Variants in RGS7 observed in about 807,000 individuals in gnomAD.
The protein encoded by RGS7 is regulator of G protein signaling 7.
A neutral mutation model predicts 81.1 loss-of-function variants in RGS7; 27 were observed. The ratio of observed to expected loss-of-function variants is 0.33; its 90% CI spans 0.25 to 0.46. The LOEUF (loss-of-function observed/expected upper bound fraction) is 0.46, where lower values mean the gene tolerates loss of function less well. RGS7 is among the 20% of genes least tolerant of loss of function. RGS7 has a pLI of 1.00. For synonymous variants in RGS7, 208 were observed against 207.7 expected (o/e 1.00, Z -0.01); for missense variants, 396 against 607.4 (o/e 0.65, Z 3.66).
chr1:240,982,912 T>A (rs994426664), intron 4 of RGS7, among the ~76,000 whole-genome samples, 167 bp downstream of exon 4: 4 of 152,198 alleles, frequency 2.6e-5, no homozygotes, highest in African/African-American at 9.6e-5. Context: ...CAGTGAAATA[T>A]GTTTTGACTA....
At chr1:240,820,894 C>T (rs187409973) in intron 10 of RGS7, among the ~76,000 whole-genome samples, 3 of 152,082 alleles carry the variant, frequency 2.0e-5, no homozygotes, top group African/African-American at 7.2e-5. Flanking sequence ...GTACAAGAAG[C>T]CTTTCTGTGT....
intron 2 of RGS7, among the ~76,000 whole-genome samples, chr1:241,116,941 G>A (rs1476841892): frequency 6.6e-6 from 1 of 152,128 alleles, no homozygotes; most frequent in Non-Finnish European, 1.5e-5. Context: ...TATAGATAAT[G>A]CAATCATGTT....
intron 2 of RGS7, among the ~76,000 whole-genome samples, chr1:241,167,199 C>T (rs752869575): frequency 5.3e-5 from 8 of 152,172 alleles, no homozygotes; most frequent in African/African-American, 1.7e-4. Context: ...GTTAGATCTT[C>T]GGGCTTGCCT....
chr1:241,079,143 T>C (rs1375832091), intron 3 of RGS7, among the ~76,000 whole-genome samples: 1 of 152,186 alleles, frequency 6.6e-6, no homozygotes, highest in Non-Finnish European at 1.5e-5. Context: ...TAGTGTTCCC[T>C]GCTGAGATAA....
chr1:240,936,685 G>A lies in RGS7; in HGVS notation c.248C>T (p.Thr83Ile). Reference sequence around the variant, plus strand: ...GAAGTAGCCGTGGGCAGCCATTAATGTTCCCAAATGGAGCGCCTCCACTGT... The same window carrying A: ...GAAGTAGCCGTGGGCAGCCATTAATATTCCCAAATGGAGCGCCTCCACTGT... Reference protein sequence around the residue: ...EDPVEALHLGTLMAAHGYFFP... With the variant: ...EDPVEALHLGILMAAHGYFFP... Residue 83 changes from threonine to isoleucine, a missense_variant, in exon 5 of 19, where the codon ACA becomes ATA. Transcript: ENST00000440928. 6.2e-7 allele frequency: 1 copy of A among 1,613,848 alleles called. No homozygotes were observed. The highest frequency in any genetic ancestry group is 8.5e-7 in the Non-Finnish European group (1 of 1,179,742).
At chr1:241,341,774 C>T (rs540039545) in intron 2 of RGS7, among the ~76,000 whole-genome samples, 1 of 151,832 alleles carries the variant, frequency 6.6e-6, no homozygotes, top group East Asian at 1.9e-4. Flanking sequence ...GAACGTGAGC[C>T]TTGAAGAGGT....
intron 9 of RGS7, among the ~76,000 whole-genome samples, chr1:240,834,021 A>G (rs913074432): frequency 6.6e-6 from 1 of 152,188 alleles, no homozygotes; most frequent in African/African-American, 2.4e-5. Context: ...TCCTGGCCTC[A>G]AGCAGTCCTC....
intron 3 of RGS7, among the ~76,000 whole-genome samples, chr1:241,016,790 AC>A (rs1310453350): frequency 6.6e-6 from 1 of 152,098 alleles, no homozygotes. Context: ...GCCAATCTCT[AC>A]CTTTATGTGG....
At chr1:241,251,107 G>T (rs1357130722) in intron 2 of RGS7, among the ~76,000 whole-genome samples, 4 of 151,764 alleles carry the variant, frequency 2.6e-5, no homozygotes, top group Non-Finnish European at 4.4e-5. Context: ...CCTTTTGAAA[G>T]TATCTACACA....
intron 9 of RGS7, among the ~76,000 whole-genome samples, chr1:240,840,220 T>C (rs1572358668): frequency 6.6e-6 from 1 of 152,096 alleles, no homozygotes; most frequent in African/African-American, 2.4e-5. Context: ...GCTCTCGTCA[T>C]GCTCAGGATA....
intron 3 of RGS7, among the ~76,000 whole-genome samples, chr1:241,033,937 A>T (rs928052321): frequency 1.6e-4 from 25 of 152,200 alleles, no homozygotes; most frequent in Non-Finnish European, 3.1e-4. Flanking sequence ...AGCCTTAAAC[A>T]TGCTGATGTA....
At chr1:240,821,157 A>C (rs934694532) in intron 10 of RGS7, among the ~76,000 whole-genome samples, 2 of 152,164 alleles carry the variant, frequency 1.3e-5, no homozygotes, top group Admixed American at 6.5e-5. Context: ...CATGAATCAG[A>C]AAAGTCCCCT....
At chr1:241,336,660 G>C (rs2082263049) in intron 2 of RGS7, among the ~76,000 whole-genome samples, 1 of 152,154 alleles carries the variant, frequency 6.6e-6, no homozygotes, top group African/African-American at 2.4e-5. Flanking sequence ...TTCTTTCTTA[G>C]GACTATATGA....
In RGS7 at chr1:240,799,778, AAGAC is replaced by A. The variant is rs1198621900; in HGVS notation, c.*6+859_*6+862del. On this transcript the variant is annotated intron_variant, in intron 18 of 18. Transcript: ENST00000440928. ...AAGTCTATACTTTCTACATGGTCCC[AAGAC>A]ATAGCACATGGTTTAGAATAGAGGT... Among the ~76,000 whole-genome samples, 8 of 152,320 alleles carry A rather than the reference AAGAC, an allele frequency of 5.3e-5. No individual in the cohort carries two copies. The East Asian group carries it at 1.5e-3, about 29-fold the overall frequency.
In RGS7 at chr1:241,147,780, TTATATATATATATATA is replaced by T. The variant is rs200770896; in HGVS notation, c.79-49034_79-49019del. On this transcript the variant is annotated intron_variant, in intron 2 of 18. Transcript: ENST00000440928. ...TTAAATATCCCATCTAGATTAAGTT[TTATATATATATATATA>T]TATATATATATATATATATATATGT... 1.6e-3 allele frequency among the ~76,000 whole-genome samples: 73 copies of T among 44,648 alleles called. 2 individuals carry two copies. Among genetic ancestry groups the T allele is most frequent in the African/African-American group, 3.1e-3 (48 of 15,416 alleles). The allele number at this position is 44,648 out of a possible 152,430, so 29.3% of individuals were successfully genotyped here.
chr1:241,210,029 G>T (rs988557279), intron 2 of RGS7, among the ~76,000 whole-genome samples: 1 of 151,882 alleles, frequency 6.6e-6, no homozygotes, highest in Non-Finnish European at 1.5e-5. Context: ...TAGAGAATAG[G>T]GTCCAGAACA....
At chr1:241,160,124 A>G (rs989988026) in intron 2 of RGS7, among the ~76,000 whole-genome samples, 1 of 146,930 alleles carries the variant, frequency 6.8e-6, no homozygotes, top group Non-Finnish European at 1.5e-5. Context: ...AAAAAAAAAA[A>G]AAAAAAGAAA....
intron 9 of RGS7, among the ~76,000 whole-genome samples, chr1:240,858,419 G>A (rs1236448123): frequency 1.3e-5 from 2 of 152,090 alleles, no homozygotes; most frequent in African/African-American, 4.8e-5. Flanking sequence ...CTAGTGTTTT[G>A]GATTTTAGTC....
chr1:240,785,648 G>C (rs1684938691), intron 18 of RGS7, among the ~76,000 whole-genome samples: 2 of 152,146 alleles, frequency 1.3e-5, no homozygotes, highest in Admixed American at 6.6e-5. Flanking sequence ...CTTTTAATTT[G>C]GGGGAGGAGA....
Sources: gnomAD v4.1 joint callset for allele counts (sites outside exome capture counted in the v4.1 genomes callset) on GRCh38, gnomAD v4.1.1 for gene constraint, MANE v1.5 for transcripts, NCBI Gene and HGNC (gene_info 2026-07-23, HGNC 2026-07-21) for gene names.